The following NRXN3 variants were observed in gnomAD, a reference collection of about 807,000 sequenced individuals.
NRXN3 encodes the protein neurexin III.
NRXN3 carries 32 observed loss-of-function variants against 137.6 expected under a neutral mutation model. The ratio of observed to expected loss-of-function variants is 0.23; its 90% CI spans 0.18 to 0.31. NRXN3 has a LOEUF of 0.31. Among genes scored for constraint, NRXN3 ranks in the 10% least tolerant of loss-of-function variants. NRXN3 has a pLI of 1.00. For synonymous variants in NRXN3, 798 were observed against 784.5 expected (o/e 1.02, Z -0.29); for missense variants, 1,574 against 2,062.5 (o/e 0.76, Z 4.59).
Position 79,681,546 on chromosome 14 carries a change from G to A in NRXN3, c.3617-10627G>A, listed in dbSNP as rs559694884. Among the ~76,000 whole-genome samples, 3 of 152,102 alleles carry A rather than the reference G, an allele frequency of 2.0e-5. No individual in the cohort carries two copies. In the East Asian group the frequency reaches 5.8e-4, roughly 29 times the overall value. On this transcript the variant is annotated intron_variant, in intron 17 of 20. Coordinates refer to ENST00000335750, the MANE Select transcript of NRXN3 (RefSeq NM_001330195.2). ...GTTCACATGGCAATCTCAGGTGTAG[G>A]CAGCAGGCAAGGGCAAGCATTCATA...
At chr14:79,410,338 T>C (rs1191430857) in intron 15 of NRXN3, among the ~76,000 whole-genome samples, 1 of 152,114 alleles carries the variant, frequency 6.6e-6, no homozygotes, top group African/African-American at 2.4e-5. Flanking sequence ...GGCACCAAAC[T>C]ACCCCAAACT....
At chr14:78,840,034 T>C (rs1433943215) in intron 10 of NRXN3, among the ~76,000 whole-genome samples, 1 of 152,222 alleles carries the variant, frequency 6.6e-6, no homozygotes, top group Non-Finnish European at 1.5e-5. Context: ...TGTTTTTCTA[T>C]TCTCAGAATA....
At chr14:78,429,408 C>T in intron 4 of NRXN3, among the ~76,000 whole-genome samples, 1 of 152,098 alleles carries the variant, frequency 6.6e-6, no homozygotes, top group Admixed American at 6.6e-5. Flanking sequence ...GCAACATGTG[C>T]TAGATATTGT....
intron 10 of NRXN3, among the ~76,000 whole-genome samples, chr14:78,910,519 G>C (rs2099234112): frequency 6.6e-6 from 1 of 151,876 alleles, no homozygotes; most frequent in Non-Finnish European, 1.5e-5. Flanking sequence ...TTCCCACCTA[G>C]AGCATTTTCC....
intron 20 of NRXN3, among the ~76,000 whole-genome samples, chr14:79,822,323 A>T (rs8017057): frequency 0.9 from 136,939 of 152,160 alleles, 61,643 homozygotes; most frequent in East Asian, 0.95. Flanking sequence ...AAAAGCAAGG[A>T]CAATATGGTG....
At chr14:78,312,587 T>C (rs1012984102) in intron 4 of NRXN3, among the ~76,000 whole-genome samples, 1 of 151,696 alleles carries the variant, frequency 6.6e-6, no homozygotes, top group African/African-American at 2.4e-5. Context: ...AAAGAAACAT[T>C]TTTTTTTTCA....
intron 10 of NRXN3, among the ~76,000 whole-genome samples, chr14:78,901,793 T>A (rs1436666326): frequency 1.4e-4 from 21 of 152,032 alleles, no homozygotes; most frequent in Admixed American, 1.4e-3. Context: ...CTGACTGTCC[T>A]GGGGTGCCTC....
chr14:79,255,876 G>C (rs765107577), intron 15 of NRXN3, among the ~76,000 whole-genome samples: 2 of 152,194 alleles, frequency 1.3e-5, no homozygotes, highest in Non-Finnish European at 2.9e-5. Flanking sequence ...TTTGGGGAAA[G>C]AAGGTGATTT....
chr14:79,232,862 G>T (rs1281401083), intron 15 of NRXN3, among the ~76,000 whole-genome samples: 1 of 151,990 alleles, frequency 6.6e-6, no homozygotes, highest in African/African-American at 2.4e-5. Flanking sequence ...TCAAGTGCAG[G>T]GCATAAAATC....
intron 16 of NRXN3, among the ~76,000 whole-genome samples, chr14:79,576,078 T>C (rs1274421105): frequency 6.6e-6 from 1 of 152,206 alleles, no homozygotes; most frequent in Non-Finnish European, 1.5e-5. Context: ...GTGTAGTTGC[T>C]TTTCTCTCTG....
chr14:79,269,683 A>T (rs2079010423), intron 15 of NRXN3, among the ~76,000 whole-genome samples: 1 of 152,098 alleles, frequency 6.6e-6, no homozygotes, highest in Non-Finnish European at 1.5e-5. Flanking sequence ...AGAGGTAAGG[A>T]ACAATAGGGT....
rs1368725517 is a variant in NRXN3, at chr14:79,369,283, T to G, written c.3263-97938T>G. ...GAGGCTTTAGAAGTAGAGTATTTGA[T>G]GAATTCTTCCGTCCATTCTATTTTG... On this transcript the variant is annotated intron_variant, in intron 15 of 20. Coordinates refer to ENST00000335750, the MANE Select transcript of NRXN3 (RefSeq NM_001330195.2). Among the ~76,000 whole-genome samples, 3 of 152,326 alleles carry G rather than the reference T, an allele frequency of 2.0e-5. 1 individual carries two copies. The highest frequency in any genetic ancestry group is 7.2e-5 in the African/African-American group (3 of 41,586).
intron 4 of NRXN3, among the ~76,000 whole-genome samples, chr14:78,515,920 G>A (rs2096199019): frequency 6.6e-6 from 1 of 152,108 alleles, no homozygotes; most frequent in Admixed American, 6.5e-5. Flanking sequence ...AATCCAAATT[G>A]GATGAGCGCC....
At chr14:78,659,714 CAAAAAAA>C (rs202186566) in intron 6 of NRXN3, among the ~76,000 whole-genome samples, 3 of 104,174 alleles carry the variant, frequency 2.9e-5, no homozygotes, top group South Asian at 3.3e-4. Flanking sequence ...TGTGTGAGGA[CAAAAAAA>C]AAAAAAAAAA....
chr14:78,406,666 A>G (rs2092504144), intron 4 of NRXN3, among the ~76,000 whole-genome samples: 1 of 152,188 alleles, frequency 6.6e-6, no homozygotes, highest in South Asian at 2.1e-4. Flanking sequence ...TTAGAAGTTA[A>G]GATGCCAGTC....
intron 20 of NRXN3, among the ~76,000 whole-genome samples, chr14:79,845,460 A>G (rs77497233): frequency 0.069 from 10,431 of 152,046 alleles, 666 homozygotes; most frequent in Admixed American, 0.19. Context: ...GAACACTTAG[A>G]GGCCACTGCA....
At chr14:79,225,731 G>C (rs1274952729) in intron 15 of NRXN3, among the ~76,000 whole-genome samples, 1 of 152,008 alleles carries the variant, frequency 6.6e-6, no homozygotes, top group Non-Finnish European at 1.5e-5. Context: ...AAACCACTTT[G>C]GTTTCCTTTC....
At chr14:79,669,097 G>A (rs1279149581) in intron 17 of NRXN3, 1 of 152,010 alleles carries the variant, frequency 6.6e-6, no homozygotes, top group East Asian at 1.9e-4. Flanking sequence ...GAACATTTGA[G>A]ACCTTGCCAG....
intron 15 of NRXN3, among the ~76,000 whole-genome samples, chr14:79,287,306 G>A (rs1015020500): frequency 1.3e-5 from 2 of 152,146 alleles, no homozygotes; most frequent in Non-Finnish European, 2.9e-5. Flanking sequence ...GTCATGCCAG[G>A]CAAATTTTAG....
Sources: allele counts gnomAD v4.1 joint callset (sites outside exome capture counted in the v4.1 genomes callset), GRCh38; gene constraint gnomAD v4.1.1; transcripts MANE v1.5; gene names NCBI Gene and HGNC (gene_info 2026-07-23, HGNC 2026-07-21).